CLASP1: variants seen among roughly 807,000 people sequenced by gnomAD.
The protein encoded by CLASP1 is CLIP-associating protein 1.
A neutral mutation model predicts 192.3 loss-of-function variants in CLASP1; 38 were observed. The ratio of observed to expected loss-of-function variants is 0.20; its 90% CI spans 0.15 to 0.26. The LOEUF is 0.26. Among genes scored for constraint, CLASP1 ranks in the 10% least tolerant of loss-of-function variants. The pLI, the probability that CLASP1 is intolerant of heterozygous loss-of-function variation, is 1.00. For synonymous variants in CLASP1, 691 were observed against 712.8 expected, an observed-to-expected ratio of 0.97 and a Z score of 0.49; for missense variants, 1,433 against 1,932.5, an observed-to-expected ratio of 0.74 and a Z score of 4.85.
intron 34 of CLASP1, among the ~76,000 whole-genome samples, chr2:121,373,151 T>C (rs1405549962): frequency 6.6e-6 from 1 of 152,204 alleles, no homozygotes; most frequent in African/African-American, 2.4e-5. Flanking sequence ...AATTCCCCCT[T>C]GCTGTTCTCA....
chr2:121,479,047 A>ACC (rs1325501819), intron 8 of CLASP1, among the ~76,000 whole-genome samples: 1 of 42,306 alleles, frequency 2.4e-5, no homozygotes, highest in South Asian at 8.2e-4. Context: ...ACACACACAC[A>ACC]CCCCCCCCCC....
At chr2:121,361,277 G>A (rs1184118481) in intron 37 of CLASP1, among the ~76,000 whole-genome samples, 1 of 152,198 alleles carries the variant, frequency 6.6e-6, no homozygotes, top group Non-Finnish European at 1.5e-5. Flanking sequence ...GTGAGCACAG[G>A]TTGTGCCACT....
At chr2:121,486,793 ATC>A (rs891996060) in intron 8 of CLASP1, among the ~76,000 whole-genome samples, 1 of 152,178 alleles carries the variant, frequency 6.6e-6, no homozygotes, top group African/African-American at 2.4e-5. Context: ...TGCTTTAATG[ATC>A]TCTTTCTCCA....
chr2:121,433,619 G>A (rs1198896390), intron 19 of CLASP1, among the ~76,000 whole-genome samples: 2 of 152,090 alleles, frequency 1.3e-5, no homozygotes, highest in African/African-American at 2.4e-5. Flanking sequence ...AGTTGGGCAT[G>A]GTTGTGCAGG....
At chr2:121,413,705 T>C (rs2078103657) in intron 23 of CLASP1, among the ~76,000 whole-genome samples, 1 of 152,206 alleles carries the variant, frequency 6.6e-6, no homozygotes, top group African/African-American at 2.4e-5. Context: ...GTTAACTAAA[T>C]GGTACCTTAA....
At chr2:121,560,230 C>T (rs1316987194) in intron 2 of CLASP1, among the ~76,000 whole-genome samples, 1 of 152,124 alleles carries the variant, frequency 6.6e-6, no homozygotes, top group East Asian at 1.9e-4. Flanking sequence ...ATAATTTAGA[C>T]CTACATGTAT....
At chr2:121,562,769 C>A (rs970333186) in intron 2 of CLASP1, among the ~76,000 whole-genome samples, 1 of 152,158 alleles carries the variant, frequency 6.6e-6, no homozygotes, top group African/African-American at 2.4e-5. Context: ...AATGATGTGG[C>A]CTGGTACAGA....
rs531385320 is a variant in CLASP1, at chr2:121,486,375, G to C, written c.713-16415C>G. On this transcript the variant is annotated intron_variant, in intron 8 of 39. Coordinates refer to ENST00000263710, the Ensembl canonical transcript of CLASP1. ...TGATGACTGAAAACTGAGACTTCCA[G>C]AAGTCAACAACTAAAATTTCAACAC... Among the ~76,000 whole-genome samples the C allele has an allele frequency of 6.6e-5, 10 of 152,304 alleles. 1 individual carries two copies. In the South Asian group the frequency reaches 2.1e-3, roughly 32 times the overall value.
At chr2:121,431,505 T>C (rs2081388866) in intron 19 of CLASP1, among the ~76,000 whole-genome samples, 1 of 150,208 alleles carries the variant, frequency 6.7e-6, no homozygotes, top group African/African-American at 2.5e-5. Flanking sequence ...CTGATTTTCC[T>C]AAGGAAGTCA....
chr2:121,521,609 C>G (rs190572398), intron 6 of CLASP1, among the ~76,000 whole-genome samples: 168 of 152,354 alleles, frequency 1.1e-3, no homozygotes, highest in Admixed American at 1.9e-3. Context: ...AGCCCACACA[C>G]ACTGTGCACC....
chr2:121,423,494 G>A (rs13007739), intron 22 of CLASP1, among the ~76,000 whole-genome samples: 38,233 of 151,308 alleles, frequency 0.25, 7,684 homozygotes, highest in African/African-American at 0.56. Context: ...TAATATAAAA[G>A]GAAAAAAAAT....
At chr2:121,364,855 C>T (rs960897405) in intron 36 of CLASP1, 2 of 532,876 alleles carry the variant, frequency 3.8e-6, no homozygotes, top group Non-Finnish European at 6.8e-6. Flanking sequence ...GAAGTTTCCT[C>T]AACTACTATA....
chr2:121,633,028 A>ATATATATATATATAT (rs71398039), intron 1 of CLASP1, among the ~76,000 whole-genome samples: 1 of 137,544 alleles, frequency 7.3e-6, no homozygotes, highest in African/African-American at 2.9e-5. Context: ...ATATATATAT[A>ATATATATATATATAT]GGCTTTTTTT....
chr2:121,590,169 G>T (rs2062217960), intron 2 of CLASP1, among the ~76,000 whole-genome samples: 1 of 152,144 alleles, frequency 6.6e-6, no homozygotes, highest in African/African-American at 2.4e-5. Flanking sequence ...AATATCAAGA[G>T]AAATGGTAAC....
At chr2:121,490,032 G>A (rs184178752) in intron 8 of CLASP1, among the ~76,000 whole-genome samples, 156 of 152,244 alleles carry the variant, frequency 1.0e-3, no homozygotes, top group African/African-American at 3.6e-3. Flanking sequence ...TAAAAACACA[G>A]CTAGCCTCAG....
intron 30 of CLASP1, among the ~76,000 whole-genome samples, chr2:121,392,964 TAAC>T (rs1387082791): frequency 6.6e-6 from 1 of 152,204 alleles, no homozygotes; most frequent in Non-Finnish European, 1.5e-5. Context: ...AAAAACACCT[TAAC>T]AATTTAAGCA....
At chr2:121,610,388 A>T (rs1378351900) in intron 1 of CLASP1, among the ~76,000 whole-genome samples, 1 of 149,394 alleles carries the variant, frequency 6.7e-6, no homozygotes, top group Non-Finnish European at 1.5e-5. Flanking sequence ...GAGGAACTGG[A>T]GGAGGAGGAG....
rs759626934 is a variant in CLASP1 at position 121,436,616 on chromosome 2, G to A, written c.1913-6439C>T. Among the ~76,000 whole-genome samples the A allele has an allele frequency of 6.6e-5, 10 of 151,800 alleles. No individual in the cohort carries two copies. The East Asian group carries it at 1.9e-3, about 29-fold the overall frequency. ...AGCAGAGACGGGGTTTCACCATGTT[G>A]GCCAGGCTGGTCTCAAACTCCTGGC... is the stretch of plus-strand genomic sequence containing the variant. On this transcript the variant is annotated intron_variant, in intron 19 of 39. Transcript: ENST00000263710.
At chr2:121,530,857 G>A (rs2094773983) in intron 2 of CLASP1, 1 of 669,036 alleles carries the variant, frequency 1.5e-6, no homozygotes, top group Non-Finnish European at 2.8e-6. Context: ...CTTCCTGCTT[G>A]CAGCCCAGGG....
Sources: allele counts gnomAD v4.1 joint callset (sites outside exome capture counted in the v4.1 genomes callset), GRCh38; gene constraint gnomAD v4.1.1; transcripts MANE v1.5; gene names NCBI Gene and HGNC (gene_info 2026-07-23, HGNC 2026-07-21).